Variants in ZNF765 observed in about 807,000 individuals in gnomAD.
ZNF765 encodes the protein zinc finger protein 765.
Under a neutral mutation model 44.7 loss-of-function variants are expected in ZNF765, and 37 were observed. That is an observed-to-expected ratio of 0.83 (90% CI 0.64 to 1.09). The LOEUF (loss-of-function observed/expected upper bound fraction) is 1.09. ZNF765 is among the 50% of genes least tolerant of loss of function. The pLI is 0.00. For missense variants in ZNF765, 594 were observed against 626.1 expected (o/e 0.95, Z 0.55); for synonymous variants, 201 against 213.7 (o/e 0.94, Z 0.52).
Position 53,408,625 on chromosome 19 carries a change from G to T in ZNF765, c.1070G>T (p.Cys357Phe). ...CATACTGGAGAGAAACCTTACAAGT[G>T]TAATGAGTGTGGCAAGACCTTTAGT... ...RLHTGEKPYKCNECGKTFSRK... is the reference protein window; with the variant it reads ...RLHTGEKPYKFNECGKTFSRK... The change falls in exon 4 of 4, where the codon TGT (cysteine) becomes TTT (phenylalanine). Residue 357 changes from cysteine (C) to phenylalanine (F), a missense_variant. Physicochemically the swap from Cys to Phe is radical, Grantham distance 205 (BLOSUM62 -2). Around this residue, in one of 2 missense-constraint regions of ZNF765, gnomAD observed 567 missense variants for 572.6 expected, o/e 0.99. Transcript: ENST00000396408. 6.2e-7 allele frequency: 1 copy of T among 1,613,834 alleles called. No homozygotes were observed. The highest frequency in any genetic ancestry group is 1.1e-5 in the South Asian group (1 of 91,024).
At chr19:53,395,602 T>G (rs2085659589) in intron 1 of ZNF765, among the ~76,000 whole-genome samples, 1 of 152,250 alleles carries the variant, frequency 6.6e-6, no homozygotes, top group African/African-American at 2.4e-5. Context: ...TGTCTGGTCC[T>G]GGGATCCTGC....
chr19:53,414,477 ACACACACACACACCCCCCCCCC>A (rs1568786020), downstream of ZNF765, among the ~76,000 whole-genome samples: 2,885 of 10,524 alleles, frequency 0.27, 577 homozygotes, highest in African/African-American at 0.52. Context: ...ACACACACAC[ACACACACACACACCCCCCCCCC>A]CCCCCCCCCC....
Position 53,409,830 on chromosome 19 carries a change from C to T in ZNF765, c.*703C>T, listed in dbSNP as rs545270409. ...ACCTTTAGTCTGAAGTCATACCTTA[C>T]GCACCATCGTAGACTTCATACTGGA... On this transcript the variant is annotated 3_prime_UTR_variant, in exon 4 of 4. Coordinates refer to ENST00000396408, the MANE Select transcript of ZNF765 (RefSeq NM_001040185.3). The T allele has an allele frequency of 2.5e-4, 176 of 697,462 alleles. No individual in the cohort carries two copies. Among genetic ancestry groups the T allele is most frequent in the African/African-American group, 1.5e-3 (87 of 56,976 alleles). The allele number at this position is 697,462 out of a possible 1,614,324, so 43.2% of individuals were successfully genotyped here. A position where few individuals can be genotyped will look rare whatever the true frequency, so the allele number is the denominator to read the frequency against.
At chr19:53,419,771 A>C (rs1306759669) in intron 3 of ZNF765, among the ~76,000 whole-genome samples, 2 of 152,106 alleles carry the variant, frequency 1.3e-5, no homozygotes, top group African/African-American at 4.8e-5. Flanking sequence ...TAATCCCAGC[A>C]CTTTAGGAGG....
intron 3 of ZNF765, among the ~76,000 whole-genome samples, chr19:53,403,080 A>G (rs1412273051): frequency 6.6e-6 from 1 of 151,848 alleles, no homozygotes; most frequent in African/African-American, 2.4e-5. Flanking sequence ...ACAAAATCAC[A>G]TGAACCTGGG....
exon 4 of ZNF765, chr19:53,424,287 TA>T (rs3040542): frequency 0.051 from 6,934 of 136,708 alleles, 497 homozygotes; most frequent in African/African-American, 0.16. Flanking sequence ...TCATCTCTAC[TA>T]AAAAAAAAAA....
At chr19:53,402,537 G>A (rs2085737884) in intron 3 of ZNF765, among the ~76,000 whole-genome samples, 2 of 152,038 alleles carry the variant, frequency 1.3e-5, no homozygotes, top group African/African-American at 4.8e-5. Context: ...TGGGACTACA[G>A]GCATAAGCCA....
Position 53,409,991 on chromosome 19 carries a change from A to C in ZNF765, c.*864A>C. The C allele has an allele frequency of 1.9e-6, 1 of 538,714 alleles. No homozygotes were observed. The highest frequency in any genetic ancestry group is 2.3e-5 in the Admixed American group (1 of 44,356). 33.4% of individuals were successfully genotyped at this position (538,714 alleles called of 1,614,324 possible). On this transcript the variant is annotated 3_prime_UTR_variant, in exon 4 of 4. Coordinates refer to ENST00000396408, the MANE Select transcript of ZNF765 (RefSeq NM_001040185.3). The stretch of plus-strand genomic sequence containing the variant: ...TCATTGGAGAATCCATAATGAAGAG[A>C]GATCCTACAAGTGTGATAAATGCAG...
At chr19:53,416,857 G>T (rs1003561796), downstream of ZNF765, among the ~76,000 whole-genome samples, 1 of 151,094 alleles carries the variant, frequency 6.6e-6, no homozygotes, top group Non-Finnish European at 1.5e-5. Context: ...TCGCTCTGTA[G>T]CCCAGGCTGG....
chr19:53,417,612 G>A (rs2085883169), intron 3 of ZNF765, among the ~76,000 whole-genome samples: 1 of 152,152 alleles, frequency 6.6e-6, no homozygotes, highest in Non-Finnish European at 1.5e-5. Context: ...CTTTACAATA[G>A]AACAATTTAT....
intron 3 of ZNF765, among the ~76,000 whole-genome samples, chr19:53,406,337 A>G (rs2085776333): frequency 6.6e-6 from 1 of 151,768 alleles, no homozygotes; most frequent in Non-Finnish European, 1.5e-5. Context: ...CCGTTAGTCA[A>G]TTCTTATTCC....
In ZNF765 at chr19:53,408,998, T is replaced by G. The variant is rs2085807843; in HGVS notation, c.1443T>G (p.Leu481=). Residue 481 remains leucine, a synonymous_variant, in exon 4 of 4, where the codon CTT becomes CTG. Transcript: ENST00000396408. ...CGKTFSRTSS[L]TYHHRLHTGQ... ...AGACCTTCAGCCGGACGTCATCCCT[T>G]ACATACCATCATAGACTTCATACTG... 6.2e-7 allele frequency: 1 copy of G among 1,603,872 alleles called. No individual in the cohort carries two copies. The highest frequency in any genetic ancestry group is 8.5e-7 in the Non-Finnish European group (1 of 1,173,006).
At chr19:53,396,072 C>G (rs549866885) in intron 1 of ZNF765, among the ~76,000 whole-genome samples, 90 of 150,488 alleles carry the variant, frequency 6.0e-4, no homozygotes, top group African/African-American at 9.3e-4. Context: ...AGATGAAGGA[C>G]AGAGAGCAAG....
At chr19:53,402,225 T>C (rs1398460438) in intron 3 of ZNF765, 34 bp downstream of exon 3, 3 of 1,571,332 alleles carry the variant, frequency 1.9e-6, no homozygotes, top group South Asian at 1.2e-5. Context: ...GATGTGCCCT[T>C]GCGTATCTTT....
chr19:53,417,368 G>A (rs2085881523), intron 3 of ZNF765, among the ~76,000 whole-genome samples: 1 of 152,080 alleles, frequency 6.6e-6, no homozygotes, highest in East Asian at 1.9e-4. Context: ...TTATAAGTGA[G>A]AACATGTGGC....
chr19:53,418,514 G>A (rs2085888061), intron 3 of ZNF765, among the ~76,000 whole-genome samples: 1 of 152,090 alleles, frequency 6.6e-6, no homozygotes, highest in South Asian at 2.1e-4. Context: ...AGCACACTGA[G>A]CTCACCATCC....
chr19:53,410,773 G>T lies in ZNF765; in HGVS notation c.*1646G>T. 2 of 444,550 alleles carry T rather than the reference G, an allele frequency of 4.5e-6. No individual in the cohort carries two copies. Among genetic ancestry groups the T allele is most frequent in the South Asian group, 3.4e-5 (2 of 58,766 alleles). The allele number at this position is 444,550 out of a possible 1,614,324, so 27.5% of individuals were successfully genotyped here. On this transcript the variant is annotated 3_prime_UTR_variant, in exon 4 of 4. Coordinates refer to ENST00000396408, the MANE Select transcript of ZNF765 (RefSeq NM_001040185.3). ...GAAACCTTACAAATGTCATGATTGT[G>T]ACAAGGTCTCAGTCAAGCTTCATTC...
At chr19:53,426,593 TG>T (rs1288852995) in exon 4 of ZNF765, 1 of 152,336 alleles carries the variant, frequency 6.6e-6, no homozygotes, top group Non-Finnish European at 1.5e-5. Flanking sequence ...AGGTGAGCAG[TG>T]GGTGAGTGCG....
chr19:53,410,952 A>C lies in ZNF765; in HGVS notation c.*1825A>C, dbSNP rs2085828291. ...ATGTCATCAGTGTGCCAAAGTCTTCAGTCTGAGCTCACTCCTTGCAGGATA... is the reference window on the plus strand; with the variant it reads ...ATGTCATCAGTGTGCCAAAGTCTTCCGTCTGAGCTCACTCCTTGCAGGATA... On this transcript the variant is annotated 3_prime_UTR_variant, in exon 4 of 4. Coordinates refer to ENST00000396408, the MANE Select transcript of ZNF765 (RefSeq NM_001040185.3). 2.5e-6 allele frequency: 1 copy of C among 406,300 alleles called. No individual in the cohort carries two copies. The allele number at this position is 406,300 out of a possible 1,614,324, so 25.2% of individuals were successfully genotyped here. A position where few individuals can be genotyped will look rare whatever the true frequency, so the allele number is the denominator to read the frequency against.
Sources: allele counts gnomAD v4.1 joint callset (sites outside exome capture counted in the v4.1 genomes callset), GRCh38; gene constraint gnomAD v4.1.1; regional missense constraint gnomAD v4.1.1; transcripts MANE v1.5; gene names NCBI Gene and HGNC (gene_info 2026-07-23, HGNC 2026-07-21).